Variants in LOC122539214 observed in about 807,000 individuals in gnomAD.
At chr19:52,684,157 T>C in the LOC122539214 span, among the ~76,000 whole-genome samples, 1 of 151,956 alleles carries the variant, frequency 6.6e-6, no homozygotes, top group Admixed American at 6.6e-5. Flanking sequence ...TCACTTGAGG[T>C]CAGGAGTTTG....
At chr19:52,670,431 C>A in the LOC122539214 span, among the ~76,000 whole-genome samples, 1 of 152,184 alleles carries the variant, frequency 6.6e-6, no homozygotes, top group Admixed American at 6.5e-5. Flanking sequence ...GGTACGCACT[C>A]ACCATTGCTC....
chr19:52,672,858 G>A, the LOC122539214 span, among the ~76,000 whole-genome samples: 2 of 152,090 alleles, frequency 1.3e-5, no homozygotes, highest in Admixed American at 6.6e-5. Context: ...TTACAGACAT[G>A]AGCCACCGTG....
At chr19:52,653,137 T>A in the LOC122539214 span, 1 of 1,471,578 alleles carries the variant, frequency 6.8e-7, no homozygotes, top group East Asian at 2.3e-5. Context: ...GCCACACTCA[T>A]GACAGTTGTA....
the LOC122539214 span, among the ~76,000 whole-genome samples, chr19:52,684,394 C>A: frequency 5.3e-5 from 8 of 151,288 alleles, no homozygotes; most frequent in African/African-American, 1.9e-4. Flanking sequence ...AATAAAAATA[C>A]AAAAATTAAC....
chr19:52,658,042 A>G, the LOC122539214 span, among the ~76,000 whole-genome samples: 4 of 151,916 alleles, frequency 2.6e-5, no homozygotes, highest in East Asian at 5.8e-4. Flanking sequence ...AGGCTAAGGC[A>G]GGAGAATTGC....
the LOC122539214 span, among the ~76,000 whole-genome samples, chr19:52,662,821 G>C: frequency 6.6e-6 from 1 of 152,064 alleles, no homozygotes; most frequent in Non-Finnish European, 1.5e-5. Context: ...TCATTCCTAT[G>C]TGATGGACTG....
chr19:52,684,939 G>A, the LOC122539214 span, among the ~76,000 whole-genome samples: 9 of 152,176 alleles, frequency 5.9e-5, 1 homozygote, highest in Admixed American at 2.6e-4. Flanking sequence ...ACGGGAAGCC[G>A]GTGGAGGGTT....
chr19:52,677,838 C>A, the LOC122539214 span, among the ~76,000 whole-genome samples: 1 of 151,866 alleles, frequency 6.6e-6, no homozygotes, highest in African/African-American at 2.4e-5. Flanking sequence ...TCAAGACCAG[C>A]CTGACTAGCA....
the LOC122539214 span, among the ~76,000 whole-genome samples, chr19:52,685,581 G>A: frequency 3.3e-5 from 5 of 152,152 alleles, no homozygotes; most frequent in Middle Eastern, 3.4e-3. Flanking sequence ...GAACTAAGAC[G>A]TAAGCGAACT....
the LOC122539214 span, among the ~76,000 whole-genome samples, chr19:52,679,076 T>G: frequency 6.6e-5 from 10 of 152,180 alleles, no homozygotes; most frequent in Admixed American, 1.3e-4. Context: ...ACAGGGTTGA[T>G]TCTACAACAA....
At chr19:52,656,425 C>T in the LOC122539214 span, among the ~76,000 whole-genome samples, 2 of 151,934 alleles carry the variant, frequency 1.3e-5, no homozygotes, top group Admixed American at 6.6e-5. Flanking sequence ...TTTGGGAAGC[C>T]GAGGCAGGGG....
At chr19:52,688,002 C>A in the LOC122539214 span, among the ~76,000 whole-genome samples, 1 of 151,842 alleles carries the variant, frequency 6.6e-6, no homozygotes, top group African/African-American at 2.4e-5. Context: ...CCTCTGATGC[C>A]AAGATTTACA....
chr19:52,687,453 A>ATAT, the LOC122539214 span, among the ~76,000 whole-genome samples: 3 of 17,592 alleles, frequency 1.7e-4, no homozygotes, highest in East Asian at 3.2e-3. Flanking sequence ...TATAAATTAT[A>ATAT]ATATAAATTA....
the LOC122539214 span, among the ~76,000 whole-genome samples, chr19:52,679,151 GAAC>G: frequency 6.6e-6 from 1 of 152,164 alleles, no homozygotes; most frequent in African/African-American, 2.4e-5. Flanking sequence ...AATGTGAAAT[GAAC>G]AACAGTTCAG....
chr19:52,690,272 G>C, the LOC122539214 span, among the ~76,000 whole-genome samples: 1 of 152,082 alleles, frequency 6.6e-6, no homozygotes, highest in Admixed American at 6.5e-5. Context: ...CCAACCTCAG[G>C]GCGACTTTAG....
At chr19:52,687,118 T>C in the LOC122539214 span, among the ~76,000 whole-genome samples, 1 of 141,252 alleles carries the variant, frequency 7.1e-6, no homozygotes, top group Non-Finnish European at 1.6e-5. Context: ...AAAGCAGAGG[T>C]TGCACTAAGC....
At chr19:52,655,620 G>T in the LOC122539214 span, 6 of 1,492,268 alleles carry the variant, frequency 4.0e-6, no homozygotes, top group Admixed American at 5.1e-5. Flanking sequence ...AGCCCTCTGT[G>T]CAGGGTTCAG....
the LOC122539214 span, among the ~76,000 whole-genome samples, chr19:52,685,001 T>C: frequency 6.6e-6 from 1 of 152,184 alleles, no homozygotes; most frequent in African/African-American, 2.4e-5. Flanking sequence ...GATGTCCTCA[T>C]ACAGAGAAAG....
the LOC122539214 span, among the ~76,000 whole-genome samples, chr19:52,687,560 TTTA>T: frequency 2.5e-3 from 74 of 29,608 alleles, no homozygotes; most frequent in African/African-American, 0.011. Context: ...ATGTGTAAAT[TTTA>T]TATATATATA....
Sources: gnomAD v4.1 joint callset for allele counts (sites outside exome capture counted in the v4.1 genomes callset) on GRCh38, gnomAD v4.1.1 for gene constraint, MANE v1.5 for transcripts.